Variants in LRRC37B observed in about 807,000 individuals in gnomAD.
LRRC37B encodes the protein leucine-rich repeat-containing protein 37B.
Under a neutral mutation model 98.3 loss-of-function variants are expected in LRRC37B, and 28 were observed. That is an observed-to-expected ratio of 0.28 (90% CI 0.21 to 0.39). The LOEUF (loss-of-function observed/expected upper bound fraction) is 0.39. Among genes scored for constraint, LRRC37B ranks in the 10% least tolerant of loss-of-function variants. The pLI is 1.00. For synonymous variants in LRRC37B, 364 were observed against 442.7 expected, an observed-to-expected ratio of 0.82 and a Z score of 2.23; for missense variants, 938 against 1,182.7, an observed-to-expected ratio of 0.79 and a Z score of 3.03.
At chr17:32,010,085 TAAGTTTTA>T (rs1910492717) in intron 1 of LRRC37B, among the ~76,000 whole-genome samples, 2 of 152,258 alleles carry the variant, frequency 1.3e-5, no homozygotes, top group South Asian at 4.1e-4. Context: ...TCCCAGAGCA[TAAGTTTTA>T]AATTTGGATG....
At chr17:32,007,861 C>T, upstream of LRRC37B, 1 of 1,135,260 alleles carries the variant, frequency 8.8e-7, no homozygotes, top group Non-Finnish European at 1.1e-6. The surrounding 1 kb of genome is among the most constrained non-coding windows in gnomAD (Gnocchi z 4.1). Context: ...CCGGCACCAG[C>T]GCACGGGCCC....
At chr17:32,008,432 G>T (rs1204006446) in intron 1 of LRRC37B, among the ~76,000 whole-genome samples, 1 of 151,004 alleles carries the variant, frequency 6.6e-6, no homozygotes, top group Non-Finnish European at 1.5e-5. Context: ...CACCGGGCAG[G>T]ATTGAAACTT....
At chr17:32,027,569 CTG>C (rs1357545021) in intron 2 of LRRC37B, among the ~76,000 whole-genome samples, 198 bp from the exon 6 acceptor site, 11 of 149,740 alleles carry the variant, frequency 7.3e-5, no homozygotes, top group South Asian at 2.1e-4. Context: ...GTGCGCTTGC[CTG>C]TGTGTGTGTG....
At chr17:32,010,122 T>C (rs975879530) in intron 1 of LRRC37B, among the ~76,000 whole-genome samples, 2 of 152,240 alleles carry the variant, frequency 1.3e-5, no homozygotes, top group African/African-American at 2.4e-5. Flanking sequence ...TTTACCACAT[T>C]TTTTCTTTTA....
At chr17:32,026,920 G>A (rs1426076091) in intron 2 of LRRC37B, among the ~76,000 whole-genome samples, 1 of 152,142 alleles carries the variant, frequency 6.6e-6, no homozygotes, top group Non-Finnish European at 1.5e-5. Flanking sequence ...GCCAGGTGAG[G>A]TGGCTCATGT....
intron 1 of LRRC37B, among the ~76,000 whole-genome samples, chr17:32,010,683 T>G (rs556326343): frequency 1.3e-5 from 2 of 152,250 alleles, no homozygotes; most frequent in African/African-American, 4.8e-5. Flanking sequence ...AAATATACAC[T>G]AAGTTATTGT....
exon 1 of LRRC37B, chr17:32,022,702 A>G (rs1910837402): frequency 6.2e-7 from 1 of 1,613,908 alleles, no homozygotes; most frequent in African/African-American, 1.3e-5. Flanking sequence ...ACAAGCACCA[A>G]CATATGTGAG....
intron 1 of LRRC37B, 93 bp downstream of exon 4, chr17:32,022,918 A>T: frequency 8.2e-7 from 1 of 1,216,476 alleles, no homozygotes; most frequent in South Asian, 1.3e-5. Context: ...TATCTCCCCA[A>T]GCCATACTGA....
intron 3 of LRRC37B, chr17:32,029,055 G>C (rs1911038913): frequency 6.6e-6 from 1 of 151,868 alleles, no homozygotes; most frequent in Non-Finnish European, 1.5e-5. Context: ...AGGCTGGAGT[G>C]CTGTGGTGCG....
intron 5 of LRRC37B, among the ~76,000 whole-genome samples, chr17:32,034,250 C>G (rs1015725741): frequency 6.6e-6 from 1 of 152,002 alleles, no homozygotes; most frequent in Admixed American, 6.6e-5. Context: ...GCCTGTAATC[C>G]TAACACTTTG....
In LRRC37B at chr17:32,028,981, A is replaced by C. The variant is rs185882126; in HGVS notation, c.1904+1141A>C. ...CTACTACTCACTCCCCCAGCTATTC[A>C]TTTATTTATTTATTTATTTTTATTT... On this transcript the variant is annotated intron_variant, in intron 3 of 11. Transcript: ENST00000327564. 27 of 151,630 alleles carry C rather than the reference A, an allele frequency of 1.8e-4. 1 individual carries two copies. The highest frequency in any genetic ancestry group is 6.3e-4 in the African/African-American group (26 of 41,232). 9.4% of individuals were successfully genotyped at this position (151,630 alleles called of 1,614,324 possible). A position where few individuals can be genotyped will look rare whatever the true frequency, so the allele number is the denominator to read the frequency against.
chr17:32,029,665 A>G (rs1193374300), intron 3 of LRRC37B, among the ~76,000 whole-genome samples: 1 of 152,118 alleles, frequency 6.6e-6, no homozygotes, highest in Admixed American at 6.6e-5. Context: ...ACAGGAAAGT[A>G]TTCGAGGAAT....
At chr17:32,035,430 G>A (rs1328964841) in intron 6 of LRRC37B, 135 bp from the exon 10 acceptor site, 15 of 904,894 alleles carry the variant, frequency 1.7e-5, no homozygotes, top group Middle Eastern at 2.3e-4. Context: ...GGAATTTTAC[G>A]GCAAATAAAC....
chr17:32,043,038 C>G (rs1191738748), intron 7 of LRRC37B, among the ~76,000 whole-genome samples: 1 of 151,970 alleles, frequency 6.6e-6, no homozygotes, highest in Admixed American at 6.6e-5. Flanking sequence ...GGGCTGCACA[C>G]TGAAGTCTTT....
Position 32,049,981 on chromosome 17 carries a change from CTTTT to C in LRRC37B, c.2758-15_2758-12del. On this transcript the variant is annotated intron_variant, in intron 10 of 11. Coordinates refer to ENST00000327564, the Ensembl canonical transcript of LRRC37B. ...TTTTTTTAATTGTTCTTTCTTTTTT[CTTTT>C]TTTTTTCTTTTTTTTAGCTCATGAA... 1 of 1,238,056 alleles carries C rather than the reference CTTTT, an allele frequency of 8.1e-7. No individual in the cohort carries two copies. The highest frequency in any genetic ancestry group is 1.5e-5 in the South Asian group (1 of 67,488). The allele number at this position is 1,238,056 out of a possible 1,614,324, so 76.7% of individuals were successfully genotyped here.
intron 1 of LRRC37B, among the ~76,000 whole-genome samples, chr17:32,024,184 A>G (rs1485191858): frequency 2.0e-5 from 3 of 151,890 alleles, no homozygotes; most frequent in Non-Finnish European, 4.4e-5. Context: ...AGGGAGACAA[A>G]ATAGAAAGGT....
chr17:32,038,130 CA>C (rs906983650), intron 7 of LRRC37B, among the ~76,000 whole-genome samples: 25 of 141,260 alleles, frequency 1.8e-4, no homozygotes, highest in South Asian at 2.3e-4. Flanking sequence ...CCATCTCAAA[CA>C]AAAAAAAAAG....
chr17:32,042,637 G>A (rs1911474037), intron 7 of LRRC37B: 2 of 152,640 alleles, frequency 1.3e-5, no homozygotes, highest in East Asian at 3.8e-4. Context: ...CTCTGGGCTG[G>A]GCCACATTCA....
upstream of LRRC37B, chr17:32,017,191 C>T (rs1184083564): frequency 6.6e-6 from 1 of 152,112 alleles, no homozygotes; most frequent in African/African-American, 2.4e-5. Context: ...GCATGTGGGC[C>T]ATTTTCTGCC....
Sources: allele counts gnomAD v4.1 joint callset (sites outside exome capture counted in the v4.1 genomes callset), GRCh38; gene constraint gnomAD v4.1.1; non-coding constraint Gnocchi (gnomAD v3.1); transcripts MANE v1.5; gene names NCBI Gene and HGNC (gene_info 2026-07-23, HGNC 2026-07-21).